RINL: variants seen among roughly 807,000 people sequenced by gnomAD.
The protein encoded by RINL is ras and Rab interactor-like protein.
A neutral mutation model predicts 58.1 loss-of-function variants in RINL; 39 were observed. The ratio of observed to expected loss-of-function variants is 0.67; its 90% CI spans 0.52 to 0.88. The LOEUF (loss-of-function observed/expected upper bound fraction) is 0.88, where lower values mean the gene tolerates loss of function less well. Among genes scored for constraint, RINL ranks in the 40% least tolerant of loss-of-function variants. The pLI is 0.00. For synonymous variants in RINL, 286 were observed against 323.1 expected (o/e 0.89, Z 1.23); for missense variants, 711 against 749.2 (o/e 0.95, Z 0.60).
At chr19:38,875,398 G>A (rs11083482) in intron 3 of RINL, among the ~76,000 whole-genome samples, 90,556 of 150,360 alleles carry the variant, frequency 0.6, 27,757 homozygotes, top group East Asian at 0.77. Flanking sequence ...TATTTTGGCC[G>A]GGGACGGTGG....
Position 38,871,085 on chromosome 19 carries a change from A to G in RINL, c.594T>C (p.His198=), listed in dbSNP as rs138338251. The G allele has an allele frequency of 4.0e-3, 6,428 of 1,599,716 alleles. 17 individuals are homozygous for G. Among genetic ancestry groups the G allele is most frequent in the Non-Finnish European group, 5.0e-3 (5,830 of 1,173,408 alleles). The part of the protein sequence containing the change: ...QETEPEAAQR[H]DPAPRNPAPH... ...GGGCCCCGCCCAGCTAACCTGGATC[A>G]TGTCTCTGAGCAGCCTCTGGCTCTG... The change falls in exon 7 of 12, where the codon CAT becomes CAC. Residue 198 remains histidine, a synonymous_variant. Coordinates refer to ENST00000591812, the MANE Select transcript of RINL (RefSeq NM_001195833.2).
chr19:38,868,991 GGGTCCCACTGTTTTGCCCA>G lies in RINL; in HGVS notation c.*94_*112del. 1 of 907,452 alleles carries G rather than the reference GGGTCCCACTGTTTTGCCCA, an allele frequency of 1.1e-6. No individual in the cohort carries two copies. Among genetic ancestry groups the G allele is most frequent in the South Asian group, 2.1e-5 (1 of 48,738 alleles). 56.2% of individuals were successfully genotyped at this position (907,452 alleles called of 1,614,324 possible). On this transcript the variant is annotated 3_prime_UTR_variant, in exon 12 of 12. Transcript: ENST00000591812. The stretch of plus-strand genomic sequence containing the variant: ...GTTTTTTTTTTTTTTTGGTAGATGG[GGGTCCCACTGTTTTGCCCA>G]GGCTGGTCTCAAACTCCTGGGCTCA...
At position 38,869,146 on chromosome 19, in the gene RINL, C is replaced by T. The variant is rs2076355733; in HGVS notation, c.1659G>A (p.Glu553=). The T allele has an allele frequency of 6.2e-7, 1 of 1,613,658 alleles. No individual in the cohort carries two copies. ...CTGTCACAGTCTCTTCTGCCCATGG[C>T]TCCTTAAAGGGCAGGTTGGCCTGTG... ...PRAQANLPFK[E]PWAEETVTGT... The change falls in exon 12 of 12, where the codon GAG becomes GAA. Residue 553 remains glutamate (E), a synonymous_variant. Transcript: ENST00000591812. This position sits in a 1 kb window ranked among gnomAD's most constrained non-coding sequence, Gnocchi z 5.7.
chr19:38,873,790 T>C (rs1474029791), intron 4 of RINL, 96 bp downstream of exon 4: 14 of 730,070 alleles, frequency 1.9e-5, no homozygotes, highest in Non-Finnish European at 3.2e-5. Context: ...CCTACCAAAG[T>C]GCTGGGATTA....
chr19:38,873,070 GAAAAAA>G (rs1437566098), intron 4 of RINL, among the ~76,000 whole-genome samples: 3 of 151,592 alleles, frequency 2.0e-5, no homozygotes, highest in Non-Finnish European at 4.4e-5. Flanking sequence ...CTGTCTAAAA[GAAAAAA>G]GAAAAAGAAA....
chr19:38,876,798 T>C lies in RINL; in HGVS notation c.-39-17A>G, dbSNP rs908586623. On this transcript the variant is annotated splice_polypyrimidine_tract_variant and intron_variant, in intron 1 of 11. Transcript: ENST00000591812. ...ACCTGGCCTCTGGCAGGGAGAAAGG[T>C]AAGACTCAAAGCTGCTCTAGCCCTC... 2.8e-6 allele frequency: 4 copies of C among 1,418,144 alleles called. No individual in the cohort carries two copies. Among genetic ancestry groups the C allele is most frequent in the Middle Eastern group, 1.7e-4 (1 of 5,794 alleles). 87.8% of individuals were successfully genotyped at this position (1,418,144 alleles called of 1,614,324 possible).
In RINL at chr19:38,869,214, C is replaced by A. The variant is rs1354792785; in HGVS notation, c.1638+33G>T. On this transcript the variant is annotated intron_variant, in intron 11 of 11. Coordinates refer to ENST00000591812, the MANE Select transcript of RINL (RefSeq NM_001195833.2). The surrounding 1 kb of genome is among the most constrained non-coding windows in gnomAD (Gnocchi z 5.7). Reference sequence around the variant, plus strand: ...GGTCAGAAGGGCACCAGGTCTCACCCTCCCTTCTACTTGCAGCCAGATGGG... The same window carrying A: ...GGTCAGAAGGGCACCAGGTCTCACCATCCCTTCTACTTGCAGCCAGATGGG... 9.9e-6 allele frequency: 16 copies of A among 1,614,142 alleles called. No individual in the cohort carries two copies. The highest frequency in any genetic ancestry group is 1.4e-5 in the Non-Finnish European group (16 of 1,179,990).
In RINL at chr19:38,870,138, G is replaced by T; in HGVS notation, c.1147C>A (p.Leu383Met). Reference protein sequence around the residue: ...LRRLRRRQTALRAGAGPPGAQ... With the variant: ...LRRLRRRQTAMRAGAGPPGAQ... ...CCCGGAGGCCCCGCCCCCGCCCGCA[G>T]GGCTGTCTGTCGCCGCCGCAGCCGC... The change falls in exon 9 of 12, where the codon CTG becomes ATG. Residue 383 changes from leucine (L) to methionine (M), a missense_variant. Transcript: ENST00000591812. This position sits in a 1 kb window ranked among gnomAD's most constrained non-coding sequence, Gnocchi z 5.8. The T allele has an allele frequency of 7.1e-7, 1 of 1,416,002 alleles. No homozygotes were observed. The highest frequency in any genetic ancestry group is 9.1e-7 in the Non-Finnish European group (1 of 1,095,498). 87.7% of individuals were successfully genotyped at this position (1,416,002 alleles called of 1,614,324 possible).
chr19:38,871,879 G>C lies in RINL; in HGVS notation c.314-9C>G. ...GGATTCCAGGGACACACCTGTGGTG[G>C]GGGGAGGAAGAAGGAGAAAGTAAAC... On this transcript the variant is annotated splice_polypyrimidine_tract_variant and intron_variant, in intron 4 of 11. Coordinates refer to ENST00000591812, the MANE Select transcript of RINL (RefSeq NM_001195833.2). 1 of 1,611,766 alleles carries C rather than the reference G, an allele frequency of 6.2e-7. No homozygotes were observed. The highest frequency in any genetic ancestry group is 8.5e-7 in the Non-Finnish European group (1 of 1,178,096).
chr19:38,874,109 C>T, intron 3 of RINL, 121 bp from the exon 4 acceptor site: 3 of 638,944 alleles, frequency 4.7e-6, no homozygotes, highest in Non-Finnish European at 8.3e-6. Context: ...TTTAGGGAAA[C>T]CCTCTCCCTA....
chr19:38,870,375 G>T lies in RINL; in HGVS notation c.1025-115C>A. 9.6e-7 allele frequency: 1 copy of T among 1,041,134 alleles called. No homozygotes were observed. Among genetic ancestry groups the T allele is most frequent in the Non-Finnish European group, 1.3e-6 (1 of 754,100 alleles). 64.5% of individuals were successfully genotyped at this position (1,041,134 alleles called of 1,614,324 possible). A position where few individuals can be genotyped will look rare whatever the true frequency, so the allele number is the denominator to read the frequency against. ...CACCCCTGCCTAGCTCTGGTCCCCCGTGAGTGTAGACATGGTTGTGAACAT... is the reference window on the plus strand; with the variant it reads ...CACCCCTGCCTAGCTCTGGTCCCCCTTGAGTGTAGACATGGTTGTGAACAT... On this transcript the variant is annotated intron_variant, in intron 8 of 11. Coordinates refer to ENST00000591812, the MANE Select transcript of RINL (RefSeq NM_001195833.2). This position sits in a 1 kb window ranked among gnomAD's most constrained non-coding sequence, Gnocchi z 5.8.
chr19:38,868,027 A>G lies in RINL; in HGVS notation c.*1077T>C, dbSNP rs1972711469. ...AATGGCGCAATCTCCGCTCACCGCA[A>G]TCTTCGCCTCCCGGGTTCAAGCCAT... is the stretch of plus-strand genomic sequence containing the variant. On this transcript the variant is annotated 3_prime_UTR_variant, in exon 12 of 12. Coordinates refer to ENST00000591812, the MANE Select transcript of RINL (RefSeq NM_001195833.2). The G allele has an allele frequency of 6.6e-6, 1 of 152,152 alleles. No individual in the cohort carries two copies. The highest frequency in any genetic ancestry group is 1.9e-4 in the East Asian group (1 of 5,198). 9.4% of individuals were successfully genotyped at this position (152,152 alleles called of 1,614,324 possible).
At position 38,871,970 on chromosome 19, in the gene RINL, A is replaced by G. The variant is rs73537686; in HGVS notation, c.314-100T>C. The G allele has an allele frequency of 0.012, 10,596 of 886,922 alleles. 698 individuals are homozygous for G. The African/African-American group carries it at 0.15, about 13-fold the overall frequency. The allele number at this position is 886,922 out of a possible 1,614,324, so 54.9% of individuals were successfully genotyped here. A position where few individuals can be genotyped will look rare whatever the true frequency, so the allele number is the denominator to read the frequency against. ...TCCTCCATTCCTTCAGAATCCCCCC[A>G]GGGACCTTCAGAACAGGGAAGTTCC... On this transcript the variant is annotated intron_variant, in intron 4 of 11. Coordinates refer to ENST00000591812, the MANE Select transcript of RINL (RefSeq NM_001195833.2).
intron 4 of RINL, chr19:38,873,623 T>G (rs2144646153): frequency 3.1e-6 from 1 of 320,212 alleles, no homozygotes; most frequent in Non-Finnish European, 6.0e-6. Flanking sequence ...CCTCCTGGGT[T>G]CAAGCTATTC....
chr19:38,871,422 C>A lies in RINL; in HGVS notation c.452-195G>T, dbSNP rs990277928. The A allele has an allele frequency of 2.0e-5, 14 of 686,806 alleles. No individual in the cohort carries two copies. In the African/African-American group the frequency reaches 2.4e-4, roughly 12 times the overall value. 42.5% of individuals were successfully genotyped at this position (686,806 alleles called of 1,614,324 possible). On this transcript the variant is annotated intron_variant, in intron 6 of 11. Transcript: ENST00000591812. Reference sequence around the variant, plus strand: ...ACTTAGGCCCAGGCGTCCGGGACCCCCAGTTCCTTCCTCCTCCAATCCTCT... The same window carrying A: ...ACTTAGGCCCAGGCGTCCGGGACCCACAGTTCCTTCCTCCTCCAATCCTCT...
Position 38,869,877 on chromosome 19 carries a change from C to A in RINL, c.1342+66G>T, listed in dbSNP as rs886654614. 3.6e-5 allele frequency: 56 copies of A among 1,536,994 alleles called. No homozygotes were observed. The Middle Eastern group carries it at 5.1e-4, about 14-fold the overall frequency. The stretch of plus-strand genomic sequence containing the variant: ...CATAGATTCCTCCCACCAGTGCTAC[C>A]CTCTCCCGCCTGGCTCCAACTCTCA... On this transcript the variant is annotated intron_variant, in intron 9 of 11. Transcript: ENST00000591812. The surrounding 1 kb of genome is among the most constrained non-coding windows in gnomAD (Gnocchi z 5.7).
rs111788981 is a variant in RINL at position 38,868,967 on chromosome 19, T to G, written c.*137A>C. 10,232 of 241,226 alleles carry G rather than the reference T, an allele frequency of 0.042. 561 individuals are homozygous for G. The highest frequency in any genetic ancestry group is 0.19 in the African/African-American group (8,714 of 44,704). The allele number at this position is 241,226 out of a possible 1,614,324, so 14.9% of individuals were successfully genotyped here. On this transcript the variant is annotated 3_prime_UTR_variant, in exon 12 of 12. Coordinates refer to ENST00000591812, the MANE Select transcript of RINL (RefSeq NM_001195833.2). ...CGCCACCACGCCCGGCTAATTTTTG[T>G]TTTTTTTTTTTTTTGGTAGATGGGG...
At chr19:38,874,553 C>T (rs1250043363) in intron 3 of RINL, among the ~76,000 whole-genome samples, 4 of 152,280 alleles carry the variant, frequency 2.6e-5, no homozygotes, top group Middle Eastern at 3.4e-3. Flanking sequence ...GGATAATAGG[C>T]GTGAGCCACT....
At chr19:38,871,768 C>CTA in intron 5 of RINL, 30 bp downstream of exon 5, 1 of 1,613,612 alleles carries the variant, frequency 6.2e-7, no homozygotes, top group Non-Finnish European at 8.5e-7. Context: ...GGAAGGGTCC[C>CTA]CCTTAGTGCC....
Sources: gnomAD v4.1 joint callset for allele counts (sites outside exome capture counted in the v4.1 genomes callset) on GRCh38, gnomAD v4.1.1 for gene constraint, Gnocchi (gnomAD v3.1) non-coding constraint, MANE v1.5 for transcripts, NCBI Gene and HGNC (gene_info 2026-07-23, HGNC 2026-07-21) for gene names.